Variants in PRKAR2B observed in about 807,000 individuals in gnomAD.
PRKAR2B encodes the protein cAMP-dependent protein kinase type II-beta regulatory subunit.
PRKAR2B carries 14 observed loss-of-function variants against 49.9 expected under a neutral mutation model. The ratio of observed to expected loss-of-function variants is 0.28; its 90% confidence interval spans 0.19 to 0.44. The LOEUF (loss-of-function observed/expected upper bound fraction) is 0.44, where lower values mean the gene tolerates loss of function less well. PRKAR2B is among the 20% of genes least tolerant of loss of function. The pLI is 1.00. For synonymous variants in PRKAR2B, 196 were observed against 197.7 expected (o/e 0.99, Z 0.07); for missense variants, 393 against 537.9 (o/e 0.73, Z 2.67).
intron 2 of PRKAR2B, among the ~76,000 whole-genome samples, chr7:107,095,605 T>C (rs1794823034): frequency 6.6e-6 from 1 of 152,162 alleles, no homozygotes; most frequent in African/African-American, 2.4e-5. Context: ...ATGCTTCCAG[T>C]TTTTGCCCAT....
chr7:107,058,360 T>G (rs1486917470), intron 1 of PRKAR2B, among the ~76,000 whole-genome samples: 1 of 152,246 alleles, frequency 6.6e-6, no homozygotes, highest in Non-Finnish European at 1.5e-5. Context: ...TGACAGCTTG[T>G]TGCCCTTTCC....
At chr7:107,105,930 C>T (rs972280547) in intron 2 of PRKAR2B, among the ~76,000 whole-genome samples, 39 of 152,118 alleles carry the variant, frequency 2.6e-4, no homozygotes, top group African/African-American at 9.2e-4. Context: ...GCCTGCTTTG[C>T]CTGTCCCTAT....
intron 2 of PRKAR2B, among the ~76,000 whole-genome samples, chr7:107,116,907 GTATA>G (rs1292052618): frequency 2.0e-5 from 3 of 148,454 alleles, no homozygotes; most frequent in East Asian, 2.0e-4. Flanking sequence ...GTGTGTGTGT[GTATA>G]TATATGTGTA....
chr7:107,154,536 G>A (rs1314635488), intron 8 of PRKAR2B, among the ~76,000 whole-genome samples: 1 of 152,104 alleles, frequency 6.6e-6, no homozygotes, highest in East Asian at 1.9e-4. Flanking sequence ...TATACTTAGG[G>A]TTTATTAAGG....
At chr7:107,121,407 A>G (rs1253969966) in intron 2 of PRKAR2B, among the ~76,000 whole-genome samples, 1 of 152,218 alleles carries the variant, frequency 6.6e-6, no homozygotes, top group East Asian at 1.9e-4. Context: ...AATGACATGC[A>G]AAATTCTTAC....
chr7:107,114,528 ATTTT>A, intron 2 of PRKAR2B, among the ~76,000 whole-genome samples: 1 of 131,570 alleles, frequency 7.6e-6, no homozygotes, highest in African/African-American at 2.8e-5. Context: ...TGCCCGGTTA[ATTTT>A]TTTTTTTTTT....
At chr7:107,126,230 AAAAATAC>A (rs1252285586) in intron 3 of PRKAR2B, among the ~76,000 whole-genome samples, 25 of 147,442 alleles carry the variant, frequency 1.7e-4, no homozygotes, top group East Asian at 3.9e-4. Context: ...CGTCTCTACT[AAAAATAC>A]AAAATACAAA....
chr7:107,061,590 C>T (rs1794028001), intron 1 of PRKAR2B, among the ~76,000 whole-genome samples: 1 of 152,090 alleles, frequency 6.6e-6, no homozygotes, highest in African/African-American at 2.4e-5. Flanking sequence ...TGAGCAAAGA[C>T]TTGAACACGT....
chr7:107,093,666 C>G (rs1389765251), intron 2 of PRKAR2B, among the ~76,000 whole-genome samples: 1 of 127,568 alleles, frequency 7.8e-6, no homozygotes, highest in Non-Finnish European at 1.6e-5. Context: ...CGCCCCTCCC[C>G]CCACCCCATG....
chr7:107,132,727 CTAAT>C (rs1241367237), intron 4 of PRKAR2B, among the ~76,000 whole-genome samples: 1 of 152,054 alleles, frequency 6.6e-6, no homozygotes, highest in Non-Finnish European at 1.5e-5. Context: ...GAAGGGGAAA[CTAAT>C]TAGTAATTAG....
intron 2 of PRKAR2B, among the ~76,000 whole-genome samples, chr7:107,107,330 C>T (rs1795091332): frequency 6.6e-6 from 1 of 151,408 alleles, no homozygotes; most frequent in African/African-American, 2.4e-5. Flanking sequence ...GAGTGAGACT[C>T]CATCTCAAAA....
rs146814367 is a variant in PRKAR2B at position 107,121,859 on chromosome 7, T to C, written c.344-93T>C. On this transcript the variant is annotated intron_variant, in intron 2 of 10. Coordinates refer to ENST00000265717, the MANE Select transcript of PRKAR2B (RefSeq NM_002736.3). ...GAATTAATGGTTTTTTATACCGTGG[T>C]ACTCTTTTTGTTCATTAAGTGTTAA... 373 of 651,734 alleles carry C rather than the reference T, an allele frequency of 5.7e-4. 2 individuals carry two copies. The African/African-American group carries it at 6.2e-3, about 11-fold the overall frequency. 40.4% of individuals were successfully genotyped at this position (651,734 alleles called of 1,614,324 possible). A position where few individuals can be genotyped will look rare whatever the true frequency, so the allele number is the denominator to read the frequency against.
intron 3 of PRKAR2B, among the ~76,000 whole-genome samples, chr7:107,126,049 C>T (rs895111530): frequency 1.7e-4 from 23 of 136,110 alleles, no homozygotes; most frequent in African/African-American, 6.4e-4. Context: ...TGCACCACCA[C>T]TGCACTTTAG....
At chr7:107,099,596 G>A (rs1036415337) in intron 2 of PRKAR2B, among the ~76,000 whole-genome samples, 4 of 151,792 alleles carry the variant, frequency 2.6e-5, no homozygotes, top group Admixed American at 1.3e-4. Flanking sequence ...CCTGGGAGCT[G>A]TAGACTGGAG....
At chr7:107,102,882 G>C (rs1472289565) in intron 2 of PRKAR2B, among the ~76,000 whole-genome samples, 5 of 152,096 alleles carry the variant, frequency 3.3e-5, no homozygotes, top group Non-Finnish European at 7.4e-5. Flanking sequence ...TGTTGCCCAG[G>C]TGGGTCTTGA....
At chr7:107,070,045 A>T in intron 1 of PRKAR2B, 1 of 345,340 alleles carries the variant, frequency 2.9e-6, no homozygotes, top group Non-Finnish European at 5.3e-6. Flanking sequence ...GTAACTAGGG[A>T]TTTTTCTTTT....
intron 2 of PRKAR2B, among the ~76,000 whole-genome samples, chr7:107,083,908 G>A (rs1005917420): frequency 6.6e-6 from 1 of 152,138 alleles, no homozygotes; most frequent in Non-Finnish European, 1.5e-5. Flanking sequence ...ACCACGTCTG[G>A]CCAAACCTAG....
rs1350888756 is a variant in PRKAR2B, at chr7:107,124,720, G to A, written c.396+2716G>A. Among the ~76,000 whole-genome samples the A allele has an allele frequency of 4.6e-5, 7 of 152,090 alleles. No individual in the cohort carries two copies. The East Asian group carries it at 1.4e-3, about 29-fold the overall frequency. ...CTGGCGTGAGCCACTGTGCCTGACCGATATACAGTGTTCTTTAAAGAAAAT... is the reference window on the plus strand; with the variant it reads ...CTGGCGTGAGCCACTGTGCCTGACCAATATACAGTGTTCTTTAAAGAAAAT... On this transcript the variant is annotated intron_variant, in intron 3 of 10. Transcript: ENST00000265717.
At position 107,157,218 on chromosome 7, in the gene PRKAR2B, A is replaced by G. The variant is rs1485491541; in HGVS notation, c.1017A>G (p.Val339=). Residue 339 remains valine (V), a synonymous_variant, in exon 10 of 11, where the codon GTA becomes GTG. Coordinates refer to ENST00000265717, the MANE Select transcript of PRKAR2B (RefSeq NM_002736.3). ...GKSEVEENGA[V]EIARCSRGQY... is the part of the protein sequence containing the mutation. ...CAGAAGTGGAAGAGAATGGTGCAGTAGAAATCGCTCGATGCTCGCGGGGAC... is the reference window on the plus strand; with the variant it reads ...CAGAAGTGGAAGAGAATGGTGCAGTGGAAATCGCTCGATGCTCGCGGGGAC... The G allele has an allele frequency of 6.8e-6, 11 of 1,614,056 alleles. No individual in the cohort carries two copies. The Admixed American group carries it at 8.3e-5, about 12-fold the overall frequency.
Sources: gnomAD v4.1 joint callset for allele counts (sites outside exome capture counted in the v4.1 genomes callset) on GRCh38, gnomAD v4.1.1 for gene constraint, MANE v1.5 for transcripts, NCBI Gene and HGNC (gene_info 2026-07-23, HGNC 2026-07-21) for gene names.